NELL1: variants seen among roughly 807,000 people sequenced by gnomAD.
NELL1 encodes the protein protein kinase C-binding protein NELL1.
NELL1 carries 76 observed loss-of-function variants against 107.4 expected under a neutral mutation model. The observed-to-expected ratio is 0.71, with a 90% CI of 0.59 to 0.86. The LOEUF (loss-of-function observed/expected upper bound fraction) is 0.86. Among genes scored for constraint, NELL1 ranks in the 40% least tolerant of loss-of-function variants. NELL1 has a pLI of 0.00. For synonymous variants in NELL1, 353 were observed against 341.2 expected, an observed-to-expected ratio of 1.03 and a Z score of -0.38; for missense variants, 1,024 against 1,005.5, an observed-to-expected ratio of 1.02 and a Z score of -0.25.
At chr11:21,077,459 A>G (rs1854164472) in intron 12 of NELL1, among the ~76,000 whole-genome samples, 1 of 152,178 alleles carries the variant, frequency 6.6e-6, no homozygotes, top group South Asian at 2.1e-4. Context: ...GAGCAGAATT[A>G]GGGCCAGGAA....
intron 3 of NELL1, among the ~76,000 whole-genome samples, chr11:20,792,511 G>A (rs1857095002): frequency 6.6e-6 from 1 of 151,628 alleles, no homozygotes; most frequent in East Asian, 1.9e-4. Context: ...TATCTATCTA[G>A]TCATCATGTA....
chr11:21,512,090 T>C lies in NELL1; in HGVS notation c.1646-22284T>C, dbSNP rs1191667447. On this transcript the variant is annotated intron_variant, in intron 15 of 19. Transcript: ENST00000357134. ...AATGGCATGTTGAGAACACCTCTTG[T>C]TCCTGTCTTAGCTGGAACATGGCAG... 2.0e-5 allele frequency among the ~76,000 whole-genome samples: 3 copies of C among 152,300 alleles called. No homozygotes were observed. In the East Asian group the frequency reaches 5.8e-4, roughly 29 times the overall value.
intron 2 of NELL1, among the ~76,000 whole-genome samples, chr11:20,777,928 T>C (rs1856780719): frequency 2.0e-5 from 3 of 152,230 alleles, no homozygotes; most frequent in Admixed American, 2.0e-4. Flanking sequence ...TTTGTGCTAA[T>C]GTGGTACCCC....
chr11:21,395,844 G>A (rs1376223841), intron 15 of NELL1, among the ~76,000 whole-genome samples: 1 of 150,636 alleles, frequency 6.6e-6, no homozygotes, highest in African/African-American at 2.4e-5. Context: ...CAACAAAAAA[G>A]CAACATCAAT....
At chr11:21,008,898 CT>C (rs1852387111) in intron 12 of NELL1, among the ~76,000 whole-genome samples, 1 of 152,094 alleles carries the variant, frequency 6.6e-6, no homozygotes, top group African/African-American at 2.4e-5. Context: ...GAAGAAGCTT[CT>C]AAAATACTGT....
intron 12 of NELL1, among the ~76,000 whole-genome samples, chr11:21,100,090 C>T (rs1277194972): frequency 1.3e-5 from 2 of 151,616 alleles, no homozygotes; most frequent in African/African-American, 4.9e-5. Flanking sequence ...AGTCTTGGCT[C>T]ACTGCAACCT....
intron 17 of NELL1, among the ~76,000 whole-genome samples, chr11:21,568,913 A>T (rs1857033823): frequency 6.6e-6 from 1 of 151,372 alleles, no homozygotes; most frequent in Admixed American, 6.6e-5. Flanking sequence ...TAAAATAATG[A>T]TTAAAAAAGA....
intron 14 of NELL1, among the ~76,000 whole-genome samples, chr11:21,254,091 G>A (rs1225868687): frequency 1.3e-5 from 2 of 152,066 alleles, no homozygotes; most frequent in Non-Finnish European, 2.9e-5. Flanking sequence ...TTGCAGGGAA[G>A]AGCATAGCAT....
chr11:20,942,807 G>A (rs145946801), intron 10 of NELL1, among the ~76,000 whole-genome samples: 276 of 152,282 alleles, frequency 1.8e-3, no homozygotes, highest in African/African-American at 6.3e-3. Flanking sequence ...CTGTGGTGAT[G>A]GTCCCAGAAT....
chr11:21,109,365 G>A (rs1440495788), intron 12 of NELL1, among the ~76,000 whole-genome samples: 1 of 152,112 alleles, frequency 6.6e-6, no homozygotes, highest in African/African-American at 2.4e-5. Context: ...GTACATGTCA[G>A]GTTAACTGTG....
chr11:21,161,637 T>C (rs781154678), intron 13 of NELL1, among the ~76,000 whole-genome samples: 1 of 152,224 alleles, frequency 6.6e-6, no homozygotes, highest in Non-Finnish European at 1.5e-5. Context: ...TATGTGTGTG[T>C]ATAATTTAAA....
chr11:20,706,483 A>G (rs920350583), intron 2 of NELL1, among the ~76,000 whole-genome samples: 3 of 138,836 alleles, frequency 2.2e-5, no homozygotes, highest in African/African-American at 7.9e-5. Flanking sequence ...ACACATGGAC[A>G]CAGGAAGGGG....
Position 21,371,156 on chromosome 11 carries a change from C to T in NELL1, c.1645+208C>T, listed in dbSNP as rs150547042. Among the ~76,000 whole-genome samples the T allele has an allele frequency of 3.2e-4, 49 of 152,178 alleles. No homozygotes were observed. The East Asian group carries it at 8.5e-3, about 26-fold the overall frequency. On this transcript the variant is annotated intron_variant, in intron 15 of 19. Transcript: ENST00000357134. ...AGAGCTTCATTCGCCTTCCCTCCAA[C>T]GATTTAATTTTAGCAAGGTCAAGTA... is the stretch of plus-strand genomic sequence containing the variant.
intron 13 of NELL1, among the ~76,000 whole-genome samples, chr11:21,158,138 A>G (rs1255510551): frequency 6.6e-6 from 1 of 152,070 alleles, no homozygotes; most frequent in Non-Finnish European, 1.5e-5. Context: ...CAGCCCTTGA[A>G]CATCAGACTT....
At chr11:20,715,303 GTTTTT>G (rs71748513) in intron 2 of NELL1, among the ~76,000 whole-genome samples, 5,390 of 145,152 alleles carry the variant, frequency 0.037, 143 homozygotes, top group African/African-American at 0.066. Flanking sequence ...CTGGGTTTTT[GTTTTT>G]TTTTTTTTTT....
intron 15 of NELL1, among the ~76,000 whole-genome samples, chr11:21,448,843 C>T (rs927474673): frequency 1.3e-5 from 2 of 152,086 alleles, no homozygotes; most frequent in African/African-American, 4.8e-5. Context: ...AGACATTTTT[C>T]ATTTAGAATA....
chr11:21,141,726 T>G (rs1855872171), intron 13 of NELL1, among the ~76,000 whole-genome samples: 1 of 151,528 alleles, frequency 6.6e-6, no homozygotes, highest in Admixed American at 6.6e-5. Flanking sequence ...TATACCCTCC[T>G]CCTCTATCCT....
At chr11:21,494,382 C>A (rs1341381066) in intron 15 of NELL1, among the ~76,000 whole-genome samples, 1 of 151,936 alleles carries the variant, frequency 6.6e-6, no homozygotes, top group Non-Finnish European at 1.5e-5. Flanking sequence ...TGAAGTTATC[C>A]TAGTGCTACT....
chr11:21,234,673 A>T (rs1295270829), intron 14 of NELL1, among the ~76,000 whole-genome samples: 1 of 152,184 alleles, frequency 6.6e-6, no homozygotes, highest in Non-Finnish European at 1.5e-5. Flanking sequence ...GTATGTTTGC[A>T]TTGAGTGCAT....
Sources: gnomAD v4.1 joint callset for allele counts (sites outside exome capture counted in the v4.1 genomes callset) on GRCh38, gnomAD v4.1.1 for gene constraint, MANE v1.5 for transcripts, NCBI Gene and HGNC (gene_info 2026-07-23, HGNC 2026-07-21) for gene names.